The following RALGAPA1 variants were observed in gnomAD, a reference collection of about 807,000 sequenced individuals.
RALGAPA1 encodes Ral GTPase activating protein catalytic subunit alpha 1.
RALGAPA1 carries 52 observed loss-of-function variants against 269.6 expected under a neutral mutation model. The ratio of observed to expected loss-of-function variants is 0.19; its 90% CI spans 0.15 to 0.24. RALGAPA1 has a LOEUF of 0.24. Ranked by LOEUF, RALGAPA1 falls within the 10% of genes least tolerant of loss-of-function variation. The pLI is 1.00. For missense variants in RALGAPA1, 1,917 were observed against 3,013.9 expected, an observed-to-expected ratio of 0.64 and a Z score of 8.52; for synonymous variants, 817 against 1,008.3, an observed-to-expected ratio of 0.81 and a Z score of 3.60.
intron 17 of RALGAPA1, among the ~76,000 whole-genome samples, chr14:35,694,866 C>G (rs1161166285): frequency 6.6e-6 from 1 of 151,920 alleles, no homozygotes; most frequent in Non-Finnish European, 1.5e-5. Context: ...CACCTGAGGT[C>G]AAGAGTTCGA....
intron 35 of RALGAPA1, among the ~76,000 whole-genome samples, chr14:35,613,399 A>C (rs574934995): frequency 4.1e-4 from 62 of 152,300 alleles, no homozygotes; most frequent in Non-Finnish European, 7.1e-4. Context: ...CCAATTTAAA[A>C]AATAGGCAAA....
At chr14:35,640,947 T>C (rs1566898634) in intron 31 of RALGAPA1, among the ~76,000 whole-genome samples, 2 of 125,688 alleles carry the variant, frequency 1.6e-5, no homozygotes, top group African/African-American at 4.5e-5. Flanking sequence ...ATCAATGTGA[T>C]ACATTTTTGT....
chr14:35,635,626 T>C, intron 31 of RALGAPA1, 28 bp from the exon 32 acceptor site: 3 of 1,503,692 alleles, frequency 2.0e-6, no homozygotes, highest in Non-Finnish European at 2.7e-6. Flanking sequence ...TCATTATAAT[T>C]GTACATTCAT....
chr14:35,670,629 G>T (rs2064327405), intron 26 of RALGAPA1, among the ~76,000 whole-genome samples: 1 of 152,086 alleles, frequency 6.6e-6, no homozygotes. Flanking sequence ...CATGCAATTT[G>T]AGAGTTTACT....
At chr14:35,605,811 G>C in intron 35 of RALGAPA1, 102 bp from the exon 36 acceptor site, 1 of 1,350,488 alleles carries the variant, frequency 7.4e-7, no homozygotes, top group Non-Finnish European at 1.0e-6. Context: ...ATAAAAAGAT[G>C]AAAAAGAATT....
intron 39 of RALGAPA1, among the ~76,000 whole-genome samples, chr14:35,563,492 T>C (rs1467876267): frequency 6.6e-6 from 1 of 151,978 alleles, no homozygotes; most frequent in Admixed American, 6.6e-5. Context: ...GGAGTACAGG[T>C]ATATTGGACA....
intron 39 of RALGAPA1, among the ~76,000 whole-genome samples, chr14:35,565,990 A>G (rs2056665623): frequency 6.6e-6 from 1 of 152,184 alleles, no homozygotes; most frequent in South Asian, 2.1e-4. Flanking sequence ...GTAACTAATA[A>G]ACGATGGCTA....
chr14:35,595,772 A>G lies in RALGAPA1; in HGVS notation c.7071T>C (p.His2357=), dbSNP rs143061753. The G allele has an allele frequency of 1.9e-6, 3 of 1,611,926 alleles. No individual in the cohort carries two copies. In the African/African-American group the frequency reaches 4.0e-5, roughly 22 times the overall value. The change falls in exon 37 of 42, where the codon CAT becomes CAC. Residue 2357 remains histidine (H), a synonymous_variant. Coordinates refer to ENST00000680220, the MANE Select transcript of RALGAPA1 (RefSeq NM_001346249.2). The stretch of plus-strand genomic sequence containing the variant: ...TTTGTAGTCCTCCCATAAAACCACA[A>G]TGGTTTGTAAGATTTACCTAGAAGT... The part of the protein sequence containing the change: ...GLGWEVNLTN[H]CGFMGGLQKN...
At chr14:35,613,521 A>C (rs576126505) in intron 35 of RALGAPA1, among the ~76,000 whole-genome samples, 5 of 152,364 alleles carry the variant, frequency 3.3e-5, no homozygotes, top group African/African-American at 1.2e-4. Context: ...TCAGAAATCA[A>C]GGCATAGACA....
chr14:35,740,284 C>A (rs189196850), intron 11 of RALGAPA1, among the ~76,000 whole-genome samples: 30 of 152,268 alleles, frequency 2.0e-4, no homozygotes, highest in Admixed American at 1.8e-3. Context: ...CATGTTTCTA[C>A]CTCCAACACT....
chr14:35,708,096 T>C (rs1350164021), intron 16 of RALGAPA1, among the ~76,000 whole-genome samples: 2 of 152,106 alleles, frequency 1.3e-5, no homozygotes, highest in Non-Finnish European at 2.9e-5. Flanking sequence ...TTTCTCCATA[T>C]AGAGAAATCA....
chr14:35,755,189 CA>C (rs34912813), intron 7 of RALGAPA1, among the ~76,000 whole-genome samples: 5,147 of 138,754 alleles, frequency 0.037, 120 homozygotes, highest in Non-Finnish European at 0.049. Context: ...CTCTCTCTAA[CA>C]AAAAAAAAAA....
intron 38 of RALGAPA1, among the ~76,000 whole-genome samples, 159 bp downstream of exon 38, chr14:35,572,401 C>T (rs2139472925): frequency 6.6e-6 from 1 of 152,284 alleles, no homozygotes; most frequent in Middle Eastern, 3.4e-3. Flanking sequence ...CTGAACCAGG[C>T]TTAGGCAATC....
intron 16 of RALGAPA1, among the ~76,000 whole-genome samples, chr14:35,707,759 T>C (rs1474050895): frequency 6.6e-6 from 1 of 152,208 alleles, no homozygotes; most frequent in Admixed American, 6.5e-5. Flanking sequence ...TGTTAGTTAT[T>C]GATTCAATTT....
intron 1 of RALGAPA1, among the ~76,000 whole-genome samples, chr14:35,777,476 G>C (rs545307496): frequency 5.9e-5 from 9 of 152,272 alleles, no homozygotes; most frequent in South Asian, 4.1e-4. Context: ...AAAGAGTGGA[G>C]AAATTCTACT....
At chr14:35,732,839 G>A (rs2070632957) in intron 12 of RALGAPA1, among the ~76,000 whole-genome samples, 1 of 152,056 alleles carries the variant, frequency 6.6e-6, no homozygotes, top group Non-Finnish European at 1.5e-5. Flanking sequence ...CACTAGACAG[G>A]TCAAGACAGA....
rs190688524 is a variant in RALGAPA1, at chr14:35,680,350, G to C, written c.4472-2248C>G. ...AGCCTCCCAAGTAGCTGGGATTACA[G>C]GTGTCCACCACCATGCCTGGCTAAT... On this transcript the variant is annotated intron_variant, in intron 21 of 41. Transcript: ENST00000680220. Among the ~76,000 whole-genome samples, 536 of 151,980 alleles carry C rather than the reference G, an allele frequency of 3.5e-3. 1 individual carries two copies. Among genetic ancestry groups the C allele is most frequent in the Non-Finnish European group, 5.8e-3 (396 of 67,958 alleles).
chr14:35,609,599 T>G (rs1253779735), intron 35 of RALGAPA1, among the ~76,000 whole-genome samples: 1 of 152,116 alleles, frequency 6.6e-6, no homozygotes, highest in Non-Finnish European at 1.5e-5. Context: ...CAAAAAGTTT[T>G]AAAAAAGATT....
At chr14:35,574,148 T>C (rs2057394521) in intron 37 of RALGAPA1, among the ~76,000 whole-genome samples, 1 of 152,198 alleles carries the variant, frequency 6.6e-6, no homozygotes, top group Non-Finnish European at 1.5e-5. Flanking sequence ...AATTTAGGTA[T>C]TTACTTTTTA....
Sources: gnomAD v4.1 joint callset for allele counts (sites outside exome capture counted in the v4.1 genomes callset) on GRCh38, gnomAD v4.1.1 for gene constraint, MANE v1.5 for transcripts, NCBI Gene and HGNC (gene_info 2026-07-23, HGNC 2026-07-21) for gene names.